The following NFATC2 variants were observed in gnomAD, a reference collection of about 807,000 sequenced individuals.
NFATC2 encodes nuclear factor of activated T cells 2.
A neutral mutation model predicts 87.3 loss-of-function variants in NFATC2; 22 were observed. The observed-to-expected ratio is 0.25, with a 90% CI of 0.18 to 0.36. The LOEUF is 0.36. NFATC2 is among the 10% of genes least tolerant of loss of function. The probability of loss-of-function intolerance (pLI) is 1.00; values close to 1 mark genes in which losing one functional copy is unlikely to be tolerated. For synonymous variants in NFATC2, 565 were observed against 542.2 expected (o/e 1.04, Z -0.58); for missense variants, 1,149 against 1,259.1 (o/e 0.91, Z 1.32).
intron 3 of NFATC2, among the ~76,000 whole-genome samples, chr20:51,515,574 A>T (rs1600920823): frequency 6.6e-6 from 1 of 152,234 alleles, no homozygotes; most frequent in Non-Finnish European, 1.5e-5. Context: ...CGATGTCAGA[A>T]TGCAGTCGAC....
intron 6 of NFATC2, among the ~76,000 whole-genome samples, chr20:51,447,902 C>CCAGGT (rs1985275102): frequency 6.6e-6 from 1 of 152,238 alleles, no homozygotes; most frequent in African/African-American, 2.4e-5. Context: ...ACCTCTGTCA[C>CCAGGT]CAGTTGTGGG....
intron 3 of NFATC2, among the ~76,000 whole-genome samples, chr20:51,502,419 G>T (rs949268140): frequency 2.6e-5 from 4 of 152,184 alleles, no homozygotes; most frequent in African/African-American, 9.7e-5. Flanking sequence ...TCCATCTCCA[G>T]GTTCAAGGAA....
At chr20:51,550,135 G>A (rs1236058855) in intron 1 of NFATC2, among the ~76,000 whole-genome samples, 1 of 152,262 alleles carries the variant, frequency 6.6e-6, no homozygotes, top group South Asian at 2.1e-4. Flanking sequence ...CCTGAGGCCA[G>A]GAGTTTGAGA....
intron 3 of NFATC2, among the ~76,000 whole-genome samples, chr20:51,507,146 G>A (rs951990250): frequency 6.6e-6 from 1 of 152,240 alleles, no homozygotes; most frequent in Non-Finnish European, 1.5e-5. Flanking sequence ...GTGGGTGAGT[G>A]AAAGATAAGA....
At chr20:51,528,659 G>C (rs896602907) in intron 1 of NFATC2, among the ~76,000 whole-genome samples, 2 of 152,182 alleles carry the variant, frequency 1.3e-5, no homozygotes, top group Non-Finnish European at 2.9e-5. Context: ...CCTTTGATTT[G>C]TGTAATTGTG....
intron 1 of NFATC2, among the ~76,000 whole-genome samples, chr20:51,548,224 T>C (rs921615971): frequency 2.0e-5 from 3 of 152,144 alleles, no homozygotes; most frequent in African/African-American, 4.8e-5. Flanking sequence ...TTCCCTCAGA[T>C]ATTGCCTGGC....
rs376531352 is a variant in NFATC2 at position 51,432,373 on chromosome 20, G to C, written c.2416C>G (p.Gln806Glu). Residue 806 changes from glutamine (Q) to glutamate (E), a missense_variant, in exon 9 of 11, where the codon CAG (glutamine) becomes GAG (glutamate). Coordinates refer to ENST00000371564, the MANE Select transcript of NFATC2 (RefSeq NM_012340.5). This position sits in a 1 kb window ranked among gnomAD's most constrained non-coding sequence, Gnocchi z 4.6. Reference protein sequence around the residue: ...ALLHPSPTNQQASPVIHYSPT... With the variant: ...ALLHPSPTNQEASPVIHYSPT... Reference sequence around the variant, plus strand: ...GAGTAGTGGATCACAGGCGAGGCCTGCTGGTTGGTCGGAGAGGGGTGGAGC... The same window carrying C: ...GAGTAGTGGATCACAGGCGAGGCCTCCTGGTTGGTCGGAGAGGGGTGGAGC... 3.7e-5 allele frequency: 60 copies of C among 1,612,312 alleles called. No homozygotes were observed. The Middle Eastern group carries it at 6.6e-4, about 18-fold the overall frequency.
chr20:51,489,429 C>T (rs1346464724), intron 3 of NFATC2, among the ~76,000 whole-genome samples: 1 of 152,160 alleles, frequency 6.6e-6, no homozygotes, highest in African/African-American at 2.4e-5. Flanking sequence ...CTACCCATCT[C>T]TAGATTTTCT....
At position 51,475,580 on chromosome 20, in the gene NFATC2, G is replaced by A. The variant is rs774111681; in HGVS notation, c.1413C>T (p.His471=). 18 of 1,614,044 alleles carry A rather than the reference G, an allele frequency of 1.1e-5. No homozygotes were observed. Among genetic ancestry groups the A allele is most frequent in the Admixed American group, 1.7e-5 (1 of 60,004 alleles). The change falls in exon 4 of 11, where the codon CAC becomes CAT. Residue 471 remains histidine, a synonymous_variant. Transcript: ENST00000371564. ...GTADERILKP[H]AFYQVHRITG... is the part of the protein sequence containing the mutation. ...TGATTCGGTGCACCTGGTAGAAGGC[G>A]TGCGGCTTAAGGATCCGCTCATCAG...
intron 9 of NFATC2, among the ~76,000 whole-genome samples, 156 bp downstream of exon 9, chr20:51,431,911 G>A (rs1277921021): frequency 1.3e-5 from 2 of 152,132 alleles, no homozygotes; most frequent in African/African-American, 4.8e-5. Flanking sequence ...GCTAGGGGTG[G>A]CTTTCAGGGT....
chr20:51,439,790 T>C (rs1984067509), intron 6 of NFATC2, among the ~76,000 whole-genome samples: 1 of 151,216 alleles, frequency 6.6e-6, no homozygotes, highest in Non-Finnish European at 1.5e-5. Flanking sequence ...CAGCTTCAAA[T>C]CCTTGACTAC....
chr20:51,399,429 A>G (rs1030515523), intron 9 of NFATC2, among the ~76,000 whole-genome samples: 3 of 152,202 alleles, frequency 2.0e-5, no homozygotes, highest in Non-Finnish European at 4.4e-5. Flanking sequence ...CTGATTTAGA[A>G]ATGTTTTCTG....
chr20:51,483,462 G>C (rs1261582209), intron 3 of NFATC2, among the ~76,000 whole-genome samples: 1 of 152,006 alleles, frequency 6.6e-6, no homozygotes, highest in Non-Finnish European at 1.5e-5. Flanking sequence ...GAGGGTACCG[G>C]GGAAGAGGAC....
chr20:51,510,997 G>A (rs904545904), intron 3 of NFATC2, among the ~76,000 whole-genome samples: 4 of 152,168 alleles, frequency 2.6e-5, no homozygotes, highest in Non-Finnish European at 4.4e-5. Flanking sequence ...CCCAAAGTTT[G>A]ATTTATGGCC....
At chr20:51,413,003 C>G (rs1373442541) in intron 9 of NFATC2, among the ~76,000 whole-genome samples, 26 of 137,368 alleles carry the variant, frequency 1.9e-4, no homozygotes, top group Middle Eastern at 3.5e-3. Flanking sequence ...GCCGCCCCCC[C>G]CCCTCCCCGC....
chr20:51,443,449 T>G (rs1000135593), intron 6 of NFATC2, among the ~76,000 whole-genome samples: 1 of 152,208 alleles, frequency 6.6e-6, no homozygotes, highest in African/African-American at 2.4e-5. Context: ...ATCTGACCAC[T>G]GACCTCTCCA....
At chr20:51,555,876 T>C (rs774680824) in intron 1 of NFATC2, among the ~76,000 whole-genome samples, 4 of 152,236 alleles carry the variant, frequency 2.6e-5, no homozygotes, top group Non-Finnish European at 5.9e-5. Context: ...CCTACTCTTG[T>C]AGATTGAATC....
intron 6 of NFATC2, among the ~76,000 whole-genome samples, chr20:51,443,501 C>T (rs1461601715): frequency 6.6e-6 from 1 of 152,198 alleles, no homozygotes; most frequent in Non-Finnish European, 1.5e-5. Flanking sequence ...GCCCTTATTA[C>T]GGGATCCTTT....
At chr20:51,489,052 G>T (rs142178127) in intron 3 of NFATC2, among the ~76,000 whole-genome samples, 62 of 152,286 alleles carry the variant, frequency 4.1e-4, no homozygotes, top group African/African-American at 1.5e-3. Context: ...TAGCCAGACA[G>T]GGTGGCGGGC....
Sources: allele counts gnomAD v4.1 joint callset (sites outside exome capture counted in the v4.1 genomes callset), GRCh38; gene constraint gnomAD v4.1.1; non-coding constraint Gnocchi (gnomAD v3.1); transcripts MANE v1.5; gene names NCBI Gene and HGNC (gene_info 2026-07-23, HGNC 2026-07-21).